Variants in RAD51B observed in about 807,000 individuals in gnomAD.
The protein encoded by RAD51B is RAD51 paralog B, also known as DNA repair protein RAD51 homolog 2.
In RAD51B, 38 loss-of-function variants were observed where a neutral mutation model predicts 42.2. That is an observed-to-expected ratio of 0.90 (90% CI 0.70 to 1.18). The LOEUF is 1.18. RAD51B is among the 50% of genes most tolerant of loss of function. RAD51B has a pLI of 0.00. For synonymous variants in RAD51B, 154 were observed against 145.2 expected (o/e 1.06, Z -0.43); for missense variants, 373 against 400.7 (o/e 0.93, Z 0.59).
intron 4 of RAD51B, among the ~76,000 whole-genome samples, chr14:67,841,749 G>C (rs1434306568): frequency 1.3e-5 from 2 of 152,006 alleles, no homozygotes; most frequent in Non-Finnish European, 2.9e-5. Context: ...TTCATTTCTG[G>C]GTTCTCTATT....
At chr14:68,550,934 A>G (rs536541126) in intron 10 of RAD51B, among the ~76,000 whole-genome samples, 6 of 152,350 alleles carry the variant, frequency 3.9e-5, no homozygotes, top group Non-Finnish European at 7.3e-5. Context: ...AACAGAGAAA[A>G]CAAACATGCC....
chr14:68,207,033 G>A (rs1200888241), intron 7 of RAD51B, among the ~76,000 whole-genome samples: 3 of 151,770 alleles, frequency 2.0e-5, no homozygotes, highest in Non-Finnish European at 4.4e-5. Context: ...CTCATGATCC[G>A]CCCGCCTTGG....
intron 5 of RAD51B, among the ~76,000 whole-genome samples, chr14:67,878,905 G>C (rs1012643321): frequency 1.3e-5 from 2 of 152,038 alleles, no homozygotes; most frequent in Admixed American, 6.6e-5. Context: ...TTAAAGACGG[G>C]GTTTCGCCAT....
chr14:68,593,339 G>A (rs539899813), intron 10 of RAD51B, among the ~76,000 whole-genome samples: 1 of 152,358 alleles, frequency 6.6e-6, no homozygotes, highest in Admixed American at 6.5e-5. Flanking sequence ...TTGGAACAGG[G>A]CCAGGCCCAT....
chr14:68,647,521 G>A (rs1005188778), intron 10 of RAD51B, among the ~76,000 whole-genome samples: 3 of 152,020 alleles, frequency 2.0e-5, no homozygotes, highest in African/African-American at 7.3e-5. Flanking sequence ...AGCCTGTTAA[G>A]GTTATTGTAT....
At chr14:68,678,178 C>G (rs529431112) in intron 11 of RAD51B, among the ~76,000 whole-genome samples, 2 of 152,174 alleles carry the variant, frequency 1.3e-5, no homozygotes, top group Non-Finnish European at 2.9e-5. Flanking sequence ...ACGTTCTTAA[C>G]CGCTGAGCTC....
Position 67,835,139 on chromosome 14 carries a change from C to T in RAD51B, c.258C>T (p.Thr86=). 1 of 1,614,008 alleles carries T rather than the reference C, an allele frequency of 6.2e-7. No individual in the cohort carries two copies. Among genetic ancestry groups the T allele is most frequent in the South Asian group, 1.1e-5 (1 of 91,070 alleles). The change falls in exon 4 of 11, where the codon ACC becomes ACT. Residue 86 remains threonine, a synonymous_variant. Transcript: ENST00000471583. ...ADFSPAFLST[T]LSALDEALHG... is the part of the protein sequence containing the mutation. ...TCTCACCAGCATTCTTATCTACTAC[C>T]CTTTCTGCTTTGGACGAAGCCCTGC...
At chr14:68,673,062 T>C (rs1215769061) in intron 11 of RAD51B, among the ~76,000 whole-genome samples, 2 of 152,328 alleles carry the variant, frequency 1.3e-5, no homozygotes, top group Admixed American at 6.5e-5. Flanking sequence ...CTAGCCAGAA[T>C]TGGTCAAACT....
chr14:68,198,323 A>G (rs1379838491), intron 7 of RAD51B, among the ~76,000 whole-genome samples: 1 of 152,146 alleles, frequency 6.6e-6, no homozygotes, highest in Admixed American at 6.6e-5. Flanking sequence ...CACCACTCCT[A>G]TGTTGCTTAG....
chr14:68,503,679 A>G (rs1435915450), intron 10 of RAD51B, among the ~76,000 whole-genome samples: 3 of 152,192 alleles, frequency 2.0e-5, no homozygotes, highest in Non-Finnish European at 4.4e-5. Flanking sequence ...TACTTGTTTC[A>G]GCCCTGCCCT....
At chr14:68,355,074 C>G (rs1280384106) in intron 8 of RAD51B, among the ~76,000 whole-genome samples, 1 of 152,154 alleles carries the variant, frequency 6.6e-6, no homozygotes, top group African/African-American at 2.4e-5. Flanking sequence ...AAAAAGAACC[C>G]CATCTTGTCA....
At chr14:68,209,535 C>T (rs1028359748) in intron 7 of RAD51B, among the ~76,000 whole-genome samples, 1 of 152,104 alleles carries the variant, frequency 6.6e-6, no homozygotes, top group Non-Finnish European at 1.5e-5. Flanking sequence ...TTCTTTGTTG[C>T]CTTGTTCATT....
intron 7 of RAD51B, among the ~76,000 whole-genome samples, chr14:68,198,224 G>A (rs1367336222): frequency 6.6e-6 from 1 of 151,808 alleles, no homozygotes. Flanking sequence ...AATTATCTTG[G>A]AGCCTTTGTA....
chr14:68,335,071 C>A (rs1173934129), intron 8 of RAD51B, among the ~76,000 whole-genome samples: 1 of 150,040 alleles, frequency 6.7e-6, no homozygotes, highest in African/African-American at 2.4e-5. Flanking sequence ...CCGAGGCAGG[C>A]AGATCACTTG....
chr14:68,210,220 A>G (rs2079677876), intron 7 of RAD51B, among the ~76,000 whole-genome samples: 1 of 152,120 alleles, frequency 6.6e-6, no homozygotes, highest in Non-Finnish European at 1.5e-5. Context: ...CAGCCTCCCA[A>G]AGTGCTAGGA....
chr14:67,990,406 CATA>C (rs1368227800), intron 7 of RAD51B, among the ~76,000 whole-genome samples: 2 of 152,146 alleles, frequency 1.3e-5, no homozygotes, highest in African/African-American at 2.4e-5. Flanking sequence ...CATTAGGAAG[CATA>C]ATATTTCATG....
At chr14:68,336,958 A>G (rs544099886) in intron 8 of RAD51B, among the ~76,000 whole-genome samples, 3 of 152,370 alleles carry the variant, frequency 2.0e-5, no homozygotes, top group South Asian at 2.1e-4. Context: ...TTTAACAAAC[A>G]TTACAGTAAT....
At chr14:68,333,172 G>C (rs1045436058) in intron 8 of RAD51B, among the ~76,000 whole-genome samples, 4 of 152,140 alleles carry the variant, frequency 2.6e-5, no homozygotes, top group Non-Finnish European at 5.9e-5. Context: ...GCCATCCCGG[G>C]ACTCCTGTAA....
chr14:68,163,588 C>T (rs905166952), intron 7 of RAD51B, among the ~76,000 whole-genome samples: 1 of 152,120 alleles, frequency 6.6e-6, no homozygotes, highest in African/African-American at 2.4e-5. Context: ...CTTTCCGCTC[C>T]CATATTAAAT....
Sources: gnomAD v4.1 joint callset for allele counts (sites outside exome capture counted in the v4.1 genomes callset) on GRCh38, gnomAD v4.1.1 for gene constraint, MANE v1.5 for transcripts, NCBI Gene and HGNC (gene_info 2026-07-23, HGNC 2026-07-21) for gene names.